The following UBE2W variants were observed in gnomAD, a reference collection of about 807,000 sequenced individuals.
UBE2W encodes the protein ubiquitin-conjugating enzyme E2 W.
In UBE2W, 18 loss-of-function variants were observed where a neutral mutation model predicts 27.2. The observed-to-expected ratio is 0.66, with a 90% confidence interval of 0.46 to 0.98. The LOEUF (loss-of-function observed/expected upper bound fraction) is 0.98. UBE2W is among the 50% of genes least tolerant of loss of function. UBE2W has a pLI of 0.00. For synonymous variants in UBE2W, 53 were observed against 57.2 expected (o/e 0.93, Z 0.33); for missense variants, 90 against 180.2 (o/e 0.50, Z 2.87).
chr8:73,819,857 A>C (rs1809536294), intron 3 of UBE2W, among the ~76,000 whole-genome samples: 1 of 152,266 alleles, frequency 6.6e-6, no homozygotes, highest in Non-Finnish European at 1.5e-5. Flanking sequence ...GATCTCATTT[A>C]CAGGTACAAA....
chr8:73,870,231 A>G, intron 1 of UBE2W: 1 of 1,571,244 alleles, frequency 6.4e-7, no homozygotes, highest in Non-Finnish European at 8.6e-7. Flanking sequence ...ACTAATTCTC[A>G]AGTTTTGAAG....
downstream of UBE2W, among the ~76,000 whole-genome samples, chr8:73,784,871 T>C (rs1213478837): frequency 6.6e-6 from 1 of 152,194 alleles, no homozygotes; most frequent in African/African-American, 2.4e-5. Flanking sequence ...TTCATAACTA[T>C]TTCTTCCCAA....
intron 3 of UBE2W, among the ~76,000 whole-genome samples, chr8:73,816,754 C>T (rs1011620085): frequency 3.3e-5 from 5 of 152,098 alleles, no homozygotes; most frequent in Non-Finnish European, 5.9e-5. Context: ...AAAACAAGGC[C>T]GGGCACGGAG....
intron 5 of UBE2W, among the ~76,000 whole-genome samples, chr8:73,804,792 G>A (rs535166052): frequency 9.6e-4 from 146 of 151,572 alleles, no homozygotes; most frequent in African/African-American, 3.2e-3. Context: ...GTAGAGTAGC[G>A]TGATCTCAGC....
At chr8:73,813,312 G>T (rs898414771) in intron 3 of UBE2W, among the ~76,000 whole-genome samples, 6 of 152,152 alleles carry the variant, frequency 3.9e-5, no homozygotes, top group African/African-American at 1.4e-4. Context: ...AGGTACTCAG[G>T]AGAGAAGAGA....
chr8:73,799,543 A>T (rs1409705485), intron 5 of UBE2W, among the ~76,000 whole-genome samples: 1 of 152,154 alleles, frequency 6.6e-6, no homozygotes, highest in Non-Finnish European at 1.5e-5. Flanking sequence ...TTTTTCATTA[A>T]CTGTGCCTCC....
chr8:73,843,681 G>C (rs2130932394), intron 1 of UBE2W, among the ~76,000 whole-genome samples: 1 of 150,788 alleles, frequency 6.6e-6, no homozygotes, highest in East Asian at 2.0e-4. Context: ...ACTAAACACA[G>C]GTGAAGAAAG....
chr8:73,805,138 T>C (rs1055030561), intron 5 of UBE2W, among the ~76,000 whole-genome samples: 1 of 152,000 alleles, frequency 6.6e-6, no homozygotes, highest in African/African-American at 2.4e-5. Context: ...ATGATGGCTA[T>C]GATTTTGTTT....
rs148206151 is a variant in UBE2W, at chr8:73,869,853, CCCTGTCTCA to C, written c.15+8946_15+8954del. On this transcript the variant is annotated intron_variant, in intron 1 of 5. Transcript: ENST00000602593. The stretch of plus-strand genomic sequence containing the variant: ...CTCCAGCCTGGGTGACAAAATGAGA[CCCTGTCTCA>C]CCTGTCTCAAACAAACAGCTAAGTG... Among the ~76,000 whole-genome samples the C allele has an allele frequency of 1.2e-3, 187 of 152,264 alleles. 2 individuals are homozygous for C. The East Asian group carries it at 0.019, about 16-fold the overall frequency.
Position 73,794,009 on chromosome 8 carries a change from T to TC in UBE2W, c.*92dup. On this transcript the variant is annotated 3_prime_UTR_variant, in exon 6 of 6. Coordinates refer to ENST00000602593, the MANE Select transcript of UBE2W (RefSeq NM_018299.6). ...TAGTCTTCATTGCCTATAGGTCACT[T>TC]CCAGTCAAAGGTTAAAGTTCAAAGA... 6.3e-7 allele frequency: 1 copy of TC among 1,585,240 alleles called. No homozygotes were observed. Among genetic ancestry groups the TC allele is most frequent in the South Asian group, 1.2e-5 (1 of 85,910 alleles).
chr8:73,826,988 A>T (rs1324106242), intron 2 of UBE2W, among the ~76,000 whole-genome samples: 1 of 152,218 alleles, frequency 6.6e-6, no homozygotes, highest in Non-Finnish European at 1.5e-5. Flanking sequence ...TTCCACCCAC[A>T]TCCACTAGGC....
intron 4 of UBE2W, among the ~76,000 whole-genome samples, chr8:73,810,264 G>A (rs1407321377): frequency 6.6e-6 from 1 of 152,104 alleles, no homozygotes; most frequent in African/African-American, 2.4e-5. Flanking sequence ...AGTAAGTCTG[G>A]CTTCTACCCC....
At chr8:73,859,579 A>G (rs1332236378) in intron 1 of UBE2W, among the ~76,000 whole-genome samples, 1 of 152,220 alleles carries the variant, frequency 6.6e-6, no homozygotes, top group Non-Finnish European at 1.5e-5. Context: ...AATAGAGTAT[A>G]TAATACATAT....
chr8:73,805,453 T>TCAAAAAAAAAAAACAAAA (rs1808834617), intron 5 of UBE2W, among the ~76,000 whole-genome samples, 198 bp downstream of exon 5: 1 of 706 alleles, frequency 1.4e-3, no homozygotes, highest in Non-Finnish European at 2.5e-3. Flanking sequence ...AAACTCCATC[T>TCAAAAAAAAAAAACAAAA]CAAAAAAAAA....
At position 73,878,017 on chromosome 8, in the gene UBE2W, T is replaced by C. The variant is rs546367625; in HGVS notation, c.15+791A>G. ...CTGGGAATAAGGGCAAAGAGATGTA[T>C]AGCCTTATCGCGACCGCAAGGGTGG... On this transcript the variant is annotated intron_variant, in intron 1 of 5. Coordinates refer to ENST00000602593, the MANE Select transcript of UBE2W (RefSeq NM_018299.6). Among the ~76,000 whole-genome samples, 8 of 152,266 alleles carry C rather than the reference T, an allele frequency of 5.3e-5. No homozygotes were observed. The East Asian group carries it at 7.7e-4, about 15-fold the overall frequency.
intron 1 of UBE2W, among the ~76,000 whole-genome samples, chr8:73,839,606 G>A (rs564951830): frequency 6.0e-5 from 9 of 150,896 alleles, no homozygotes; most frequent in South Asian, 4.2e-4. Flanking sequence ...GCAGTGAGCC[G>A]AGATCACGCC....
intron 5 of UBE2W, among the ~76,000 whole-genome samples, 179 bp downstream of exon 5, chr8:73,805,472 C>CAAACAAACA (rs1254739442): frequency 2.3e-5 from 1 of 43,676 alleles, no homozygotes; most frequent in African/African-American, 6.0e-5. Flanking sequence ...AAAAAAAAAA[C>CAAACAAACA]AAAAAAAACT....
intron 5 of UBE2W, among the ~76,000 whole-genome samples, chr8:73,801,684 T>C (rs775824603): frequency 1.3e-5 from 2 of 152,128 alleles, no homozygotes; most frequent in Non-Finnish European, 2.9e-5. Flanking sequence ...ATTTTTTTTG[T>C]TTGTTTTTTA....
intron 1 of UBE2W, among the ~76,000 whole-genome samples, chr8:73,840,680 T>C (rs1810502633): frequency 6.6e-6 from 1 of 152,174 alleles, no homozygotes; most frequent in Non-Finnish European, 1.5e-5. Context: ...GCCCTGCCCC[T>C]TTTGCATACC....
Sources: allele counts gnomAD v4.1 joint callset (sites outside exome capture counted in the v4.1 genomes callset), GRCh38; gene constraint gnomAD v4.1.1; transcripts MANE v1.5; gene names NCBI Gene and HGNC (gene_info 2026-07-23, HGNC 2026-07-21).